CSRNP3: variants seen among roughly 807,000 people sequenced by gnomAD.
The protein encoded by CSRNP3 is cysteine and serine rich nuclear protein 3, also known as cysteine/serine-rich nuclear protein 3.
In CSRNP3, 12 loss-of-function variants were observed where a neutral mutation model predicts 48.0. The observed-to-expected ratio is 0.25, with a 90% CI of 0.16 to 0.41. The LOEUF is 0.41. Among genes scored for constraint, CSRNP3 ranks in the 10% least tolerant of loss-of-function variants. CSRNP3 has a pLI of 1.00. For synonymous variants in CSRNP3, 263 were observed against 269.7 expected (o/e 0.98, Z 0.24); for missense variants, 580 against 724.4 (o/e 0.80, Z 2.29).
intron 4 of CSRNP3, among the ~76,000 whole-genome samples, chr2:165,623,204 C>A (rs1310327390): frequency 2.6e-5 from 4 of 151,992 alleles, no homozygotes; most frequent in African/African-American, 4.8e-5. Flanking sequence ...GTGCCCAACC[C>A]CTGGGCCATG....
intron 3 of CSRNP3, among the ~76,000 whole-genome samples, chr2:165,554,880 T>C (rs554615264): frequency 5.3e-5 from 8 of 152,326 alleles, no homozygotes; most frequent in African/African-American, 1.9e-4. Context: ...ATTATAACAC[T>C]GTCTGCTGAT....
intron 3 of CSRNP3, among the ~76,000 whole-genome samples, chr2:165,584,245 C>A (rs1226510615): frequency 1.3e-5 from 2 of 152,164 alleles, no homozygotes; most frequent in African/African-American, 4.8e-5. Context: ...ACTGTAAACA[C>A]CTAGAGGCTA....
chr2:165,588,721 G>A (rs975976636), intron 3 of CSRNP3, among the ~76,000 whole-genome samples: 2 of 152,146 alleles, frequency 1.3e-5, no homozygotes, highest in Admixed American at 1.3e-4. Context: ...CTGGGGGGTC[G>A]AGGTGAGAGG....
intron 4 of CSRNP3, among the ~76,000 whole-genome samples, chr2:165,615,055 T>C (rs372229071): frequency 1.2e-4 from 18 of 152,242 alleles, no homozygotes; most frequent in Admixed American, 7.2e-4. Flanking sequence ...TTTAATGATC[T>C]GTAAATGTCT....
chr2:165,493,127 T>G (rs1161969340), intron 1 of CSRNP3, among the ~76,000 whole-genome samples: 1 of 151,846 alleles, frequency 6.6e-6, no homozygotes, highest in Non-Finnish European at 1.5e-5. Context: ...CCCAAGGAAT[T>G]TTAGCATCAA....
At chr2:165,499,350 G>C (rs1684326778) in intron 2 of CSRNP3, among the ~76,000 whole-genome samples, 2 of 152,112 alleles carry the variant, frequency 1.3e-5, no homozygotes, top group Non-Finnish European at 2.9e-5. Flanking sequence ...CTGACAGCTT[G>C]GGGGAAGAGT....
At chr2:165,542,242 A>G (rs931927468) in intron 3 of CSRNP3, among the ~76,000 whole-genome samples, 1 of 152,172 alleles carries the variant, frequency 6.6e-6, no homozygotes, top group African/African-American at 2.4e-5. Flanking sequence ...GCATGGAGAA[A>G]GTCAAAAGCT....
At chr2:165,650,759 C>T (rs147128095) in intron 4 of CSRNP3, among the ~76,000 whole-genome samples, 1 of 151,996 alleles carries the variant, frequency 6.6e-6, no homozygotes, top group Non-Finnish European at 1.5e-5. Flanking sequence ...TCAGCAATCT[C>T]ATTTCACTTC....
intron 4 of CSRNP3, among the ~76,000 whole-genome samples, chr2:165,604,810 A>G (rs1449752214): frequency 6.6e-6 from 1 of 152,242 alleles, no homozygotes; most frequent in Non-Finnish European, 1.5e-5. Flanking sequence ...ATATAAATAC[A>G]GTTCATTTAG....
At chr2:165,531,018 C>A (rs1227408120) in intron 3 of CSRNP3, among the ~76,000 whole-genome samples, 3 of 151,500 alleles carry the variant, frequency 2.0e-5, no homozygotes, top group African/African-American at 7.3e-5. Context: ...TTAATATGCA[C>A]ATGAATAATA....
chr2:165,528,761 T>C (rs1684771969), intron 3 of CSRNP3, among the ~76,000 whole-genome samples: 1 of 152,236 alleles, frequency 6.6e-6, no homozygotes, highest in Non-Finnish European at 1.5e-5. Context: ...CAGGTAGTGA[T>C]GGCAGCAGCA....
At position 165,523,540 on chromosome 2, in the gene CSRNP3, C is replaced by T. The variant is rs16850837; in HGVS notation, c.-24+5579C>T. On this transcript the variant is annotated intron_variant, in intron 3 of 6. Coordinates refer to ENST00000651982, the MANE Select transcript of CSRNP3 (RefSeq NM_001172173.2). ...ACAGAGCATGCACTTTCTAAAGGCA[C>T]GGATGACCCACAGCCCTTATCTTGA... Among the ~76,000 whole-genome samples the T allele has an allele frequency of 4.9e-3, 749 of 152,294 alleles. 17 individuals are homozygous for T. The highest frequency in any genetic ancestry group is 0.037 in the East Asian group (191 of 5,174).
chr2:165,585,729 T>A (rs1685616999), intron 3 of CSRNP3, among the ~76,000 whole-genome samples: 2 of 152,338 alleles, frequency 1.3e-5, no homozygotes, highest in South Asian at 4.1e-4. Flanking sequence ...ATCCCTCCTC[T>A]CATGCCACCT....
intron 4 of CSRNP3, among the ~76,000 whole-genome samples, chr2:165,648,456 A>G (rs2105339631): frequency 6.6e-6 from 1 of 152,264 alleles, no homozygotes; most frequent in Non-Finnish European, 1.5e-5. Flanking sequence ...AGTCAATTAG[A>G]TATAAAAATT....
At chr2:165,620,681 A>G (rs1318356427) in intron 4 of CSRNP3, among the ~76,000 whole-genome samples, 1 of 152,168 alleles carries the variant, frequency 6.6e-6, no homozygotes, top group African/African-American at 2.4e-5. Flanking sequence ...ATGTAAACCA[A>G]TAGTAGGTCA....
intron 5 of CSRNP3, among the ~76,000 whole-genome samples, chr2:165,666,943 A>AGAGAGAGG (rs1491228495): frequency 0.02 from 2,845 of 142,544 alleles, 1,107 homozygotes; most frequent in Non-Finnish European, 0.027. Flanking sequence ...AAGAAGAAAG[A>AGAGAGAGG]AAGAGAGAGA....
At position 165,611,166 on chromosome 2, in the gene CSRNP3, A is replaced by G. The variant is rs1444761131; in HGVS notation, c.148+15953A>G. Among the ~76,000 whole-genome samples the G allele has an allele frequency of 2.6e-5, 4 of 152,152 alleles. No homozygotes were observed. The East Asian group carries it at 5.8e-4, about 22-fold the overall frequency. On this transcript the variant is annotated intron_variant, in intron 4 of 6. Transcript: ENST00000651982. ...ATACATTTGACTAGATTGAAAATGTATATTTACATGCTCAGAATATGGGAT... is the reference window on the plus strand; with the variant it reads ...ATACATTTGACTAGATTGAAAATGTGTATTTACATGCTCAGAATATGGGAT...
At chr2:165,668,401 CTTTTT>C (rs71393687) in intron 5 of CSRNP3, among the ~76,000 whole-genome samples, 4 of 111,498 alleles carry the variant, frequency 3.6e-5, no homozygotes, top group African/African-American at 1.4e-4. Context: ...TTCTTTCTTT[CTTTTT>C]TTTTTTTTTT....
intron 4 of CSRNP3, among the ~76,000 whole-genome samples, chr2:165,620,333 C>A (rs978913248): frequency 8.5e-5 from 13 of 152,054 alleles, no homozygotes; most frequent in Non-Finnish European, 1.8e-4. Context: ...TTTTTAAAAT[C>A]TATGCGACTG....
Sources: gnomAD v4.1 joint callset for allele counts (sites outside exome capture counted in the v4.1 genomes callset) on GRCh38, gnomAD v4.1.1 for gene constraint, MANE v1.5 for transcripts, NCBI Gene and HGNC (gene_info 2026-07-23, HGNC 2026-07-21) for gene names.